Variants in ZWILCH observed in about 807,000 individuals in gnomAD.
ZWILCH encodes zwilch kinetochore protein.
ZWILCH carries 74 observed loss-of-function variants against 79.9 expected under a neutral mutation model. The ratio of observed to expected loss-of-function variants is 0.93; its 90% CI spans 0.77 to 1.12. The LOEUF (loss-of-function observed/expected upper bound fraction) is 1.12. Among genes scored for constraint, ZWILCH ranks in the 50% most tolerant of loss-of-function variants. The probability of loss-of-function intolerance (pLI) is 0.00; values close to 1 mark genes in which losing one functional copy is unlikely to be tolerated. For synonymous variants in ZWILCH, 241 were observed against 228.2 expected (o/e 1.06, Z -0.51); for missense variants, 694 against 687.5 (o/e 1.01, Z -0.11).
chr15:66,546,541 G>A (rs1462664225), intron 17 of ZWILCH, 50 bp from the exon 18 acceptor site: 1 of 1,320,562 alleles, frequency 7.6e-7, no homozygotes, highest in East Asian at 2.4e-5. Context: ...ATACATGGTA[G>A]AAAAGCAGGG....
Position 66,527,305 on chromosome 15 carries a change from T to G in ZWILCH, c.835T>G (p.Leu279Val), listed in dbSNP as rs976784805. 1.9e-6 allele frequency: 3 copies of G among 1,613,976 alleles called. No homozygotes were observed. In the African/African-American group the frequency reaches 4.0e-5, roughly 22 times the overall value. ...LKFLLVLADG[L>V]RTGVTEWLEP... is the part of the protein sequence containing the mutation. ...TCTCCTGTAGGTTTTGGCTGATGGT[T>G]TGAGGACTGGTGTCACTGAATGGCT... is the stretch of plus-strand genomic sequence containing the variant. The change falls in exon 9 of 19, where the codon TTG (leucine) becomes GTG (valine). Residue 279 changes from leucine (L) to valine (V), a missense_variant. Physicochemically the swap from Leu to Val is conservative, Grantham distance 32. Transcript: ENST00000307897.
chr15:66,509,795 A>G (rs1893964492), intron 2 of ZWILCH, among the ~76,000 whole-genome samples: 1 of 143,912 alleles, frequency 6.9e-6, no homozygotes, highest in Non-Finnish European at 1.5e-5. Context: ...AAGCTGTAAT[A>G]TCTATAATTA....
chr15:66,529,538 A>G lies in ZWILCH; in HGVS notation c.1120A>G (p.Ile374Val). 1.2e-6 allele frequency: 2 copies of G among 1,614,084 alleles called. No homozygotes were observed. Among genetic ancestry groups the G allele is most frequent in the East Asian group, 2.2e-5 (1 of 44,870 alleles). ...QDLVKCFTLIIQSLQRGDIQP... is the reference protein window; with the variant it reads ...QDLVKCFTLIVQSLQRGDIQP... ...CTTGGTGAAGTGTTTCACATTGATC[A>G]TCCAGAGTCTACAACGTGGTGATAT... Residue 374 changes from isoleucine (I) to valine (V), a missense_variant, in exon 12 of 19, where the codon ATC (isoleucine) becomes GTC (valine). Ile to Val is a conservative substitution (Grantham distance 29). Coordinates refer to ENST00000307897, the MANE Select transcript of ZWILCH (RefSeq NM_017975.5).
At chr15:66,515,107 A>AT (rs566687064) in intron 3 of ZWILCH, among the ~76,000 whole-genome samples, 1,592 of 147,222 alleles carry the variant, frequency 0.011, 15 homozygotes, top group African/African-American at 0.037. Context: ...ACCCTGGCTG[A>AT]TTTTTTTTTT....
At chr15:66,523,997 T>A (rs957245425) in intron 8 of ZWILCH, among the ~76,000 whole-genome samples, 9 of 152,304 alleles carry the variant, frequency 5.9e-5, no homozygotes, top group South Asian at 2.1e-4. Context: ...TTAATTAATT[T>A]ATTTATTTTT....
chr15:66,506,025 G>GC (rs1893803183), intron 1 of ZWILCH, among the ~76,000 whole-genome samples: 1 of 152,154 alleles, frequency 6.6e-6, no homozygotes, highest in Non-Finnish European at 1.5e-5. Context: ...AGATTGCTGG[G>GC]CCCCACTTCC....
chr15:66,515,630 A>T lies in ZWILCH; in HGVS notation c.306A>T (p.Pro102=). 1 of 1,612,898 alleles carries T rather than the reference A, an allele frequency of 6.2e-7. No homozygotes were observed. Among genetic ancestry groups the T allele is most frequent in the South Asian group, 1.1e-5 (1 of 90,814 alleles). The change falls in exon 4 of 19, where the codon CCA becomes CCT. Residue 102 remains proline (P), a synonymous_variant. Transcript: ENST00000307897. ...TGENVGPLAL[P]VGKARQLIGL... The stretch of plus-strand genomic sequence containing the variant: ...AAAATGTTGGACCACTTGCTTTACC[A>T]GTTGGGAAGGCAAGGTAGGTTTTCT...
chr15:66,505,586 G>C, intron 1 of ZWILCH, 195 bp downstream of exon 1: 1 of 614,454 alleles, frequency 1.6e-6, no homozygotes, highest in Non-Finnish European at 2.8e-6. Context: ...CTTGTCTCAG[G>C]AGAAAACGTG....
In ZWILCH at chr15:66,532,358, A is replaced by G. The variant is rs757965380; in HGVS notation, c.1267A>G (p.Ile423Val). ...TATTCCAGTTCAAATGCTTTTGGAA[A>G]TTGGTTTGGACAAACTAAAGAAAGA... The part of the protein sequence containing the change: ...GTIPVQMLLE[I>V]GLDKLKKDYI... Residue 423 changes from isoleucine to valine, a missense_variant, in exon 13 of 19, where the codon ATT becomes GTT. Transcript: ENST00000307897. The G allele has an allele frequency of 6.2e-7, 1 of 1,612,214 alleles. No individual in the cohort carries two copies. Among genetic ancestry groups the G allele is most frequent in the South Asian group, 1.1e-5 (1 of 90,762 alleles).
chr15:66,520,170 G>A lies in ZWILCH; in HGVS notation c.521-420G>A, dbSNP rs558599912. On this transcript the variant is annotated intron_variant, in intron 5 of 18. Transcript: ENST00000307897. ...GGATCTTACTCTGTCACCCAGGCTG[G>A]AGTGCAGTGGCGCAATCATGGCTCA... Among the ~76,000 whole-genome samples the A allele has an allele frequency of 4.9e-4, 74 of 152,020 alleles. No homozygotes were observed. In the Middle Eastern group the frequency reaches 0.014, roughly 28 times the overall value.
chr15:66,526,891 A>G (rs368563064), intron 8 of ZWILCH, among the ~76,000 whole-genome samples: 146 of 152,282 alleles, frequency 9.6e-4, no homozygotes, highest in Middle Eastern at 6.8e-3. Flanking sequence ...TTATCCGTCT[A>G]TCTTTGCCAA....
At chr15:66,536,947 A>T (rs149383467) in intron 15 of ZWILCH, among the ~76,000 whole-genome samples, 22 of 152,210 alleles carry the variant, frequency 1.4e-4, no homozygotes, top group African/African-American at 5.3e-4. Flanking sequence ...TTAATTTTTT[A>T]AAAGTGAATG....
chr15:66,509,129 A>G (rs1297202247), intron 2 of ZWILCH, among the ~76,000 whole-genome samples: 1 of 152,088 alleles, frequency 6.6e-6, no homozygotes, highest in Non-Finnish European at 1.5e-5. Flanking sequence ...TTTAGTAGAG[A>G]CAGGGTTTCA....
chr15:66,539,053 TCTAAAGCC>T (rs1178938178), intron 16 of ZWILCH, among the ~76,000 whole-genome samples: 2 of 152,164 alleles, frequency 1.3e-5, no homozygotes, highest in Non-Finnish European at 2.9e-5. Context: ...CAGTTCAAAC[TCTAAAGCC>T]TAACACCTCA....
At chr15:66,524,043 A>G (rs1478837003) in intron 8 of ZWILCH, among the ~76,000 whole-genome samples, 1 of 151,978 alleles carries the variant, frequency 6.6e-6, no homozygotes, top group Admixed American at 6.6e-5. Context: ...TTGTTCATTC[A>G]TCAGTCGATT....
chr15:66,533,536 T>A (rs1164924771), intron 14 of ZWILCH, among the ~76,000 whole-genome samples: 1 of 152,218 alleles, frequency 6.6e-6, no homozygotes, highest in East Asian at 1.9e-4. Flanking sequence ...TGAAAATGAA[T>A]TTATAGTATC....
chr15:66,513,984 A>G lies in ZWILCH; in HGVS notation c.106-4A>G. On this transcript the variant is annotated splice_region_variant and splice_polypyrimidine_tract_variant and intron_variant, in intron 2 of 18. Coordinates refer to ENST00000307897, the MANE Select transcript of ZWILCH (RefSeq NM_017975.5). The stretch of plus-strand genomic sequence containing the variant: ...ATAATGTTGCTCGATACCTGTTTTA[A>G]CAGGCTGATGTCCAAGTGCAGTTGA... The G allele has an allele frequency of 6.2e-7, 1 of 1,606,752 alleles. No homozygotes were observed. Among genetic ancestry groups the G allele is most frequent in the Non-Finnish European group, 8.5e-7 (1 of 1,176,726 alleles).
chr15:66,520,273 A>T (rs1438801988), intron 5 of ZWILCH, among the ~76,000 whole-genome samples: 1 of 149,662 alleles, frequency 6.7e-6, no homozygotes, highest in Admixed American at 6.7e-5. Flanking sequence ...GGCACATGCC[A>T]CCACACCTGG....
chr15:66,515,640 G>T lies in ZWILCH; in HGVS notation c.316G>T (p.Ala106Ser), dbSNP rs369115862. 1.1e-5 allele frequency: 17 copies of T among 1,609,076 alleles called. No homozygotes were observed. The highest frequency in any genetic ancestry group is 1.4e-5 in the Non-Finnish European group (17 of 1,176,148). The part of the protein sequence containing the change: ...VGPLALPVGK[A>S]RQLIGLYTMA... The stretch of plus-strand genomic sequence containing the variant: ...ACCACTTGCTTTACCAGTTGGGAAG[G>T]CAAGGTAGGTTTTCTCTTATGCTGA... The change falls in exon 4 of 19, where the codon GCA becomes TCA. Residue 106 changes from alanine to serine, a missense_variant. Ala to Ser is a moderately conservative substitution (Grantham distance 99). Transcript: ENST00000307897.
Sources: gnomAD v4.1 joint callset for allele counts (sites outside exome capture counted in the v4.1 genomes callset) on GRCh38, gnomAD v4.1.1 for gene constraint, MANE v1.5 for transcripts, NCBI Gene and HGNC (gene_info 2026-07-23, HGNC 2026-07-21) for gene names.